Variants in SPOCK3 observed in about 807,000 individuals in gnomAD.
The protein encoded by SPOCK3 is SPARC (osteonectin), cwcv and kazal like domains proteoglycan 3, also known as testican-3.
A neutral mutation model predicts 56.6 loss-of-function variants in SPOCK3; 30 were observed. The observed-to-expected ratio is 0.53, with a 90% CI of 0.40 to 0.72. The LOEUF (loss-of-function observed/expected upper bound fraction) is 0.72. Ranked by LOEUF, SPOCK3 falls within the 30% of genes least tolerant of loss-of-function variation. The pLI, the probability that SPOCK3 is intolerant of heterozygous loss-of-function variation, is 0.00. For synonymous variants in SPOCK3, 196 were observed against 183.3 expected (o/e 1.07, Z -0.56); for missense variants, 527 against 530.0 (o/e 0.99, Z 0.06).
intron 6 of SPOCK3, among the ~76,000 whole-genome samples, chr4:166,811,663 T>C (rs1380274717): frequency 6.6e-6 from 1 of 151,832 alleles, no homozygotes; most frequent in Non-Finnish European, 1.5e-5. Context: ...CTAAATTTAG[T>C]AATATGGAGT....
At chr4:167,230,979 G>A (rs1478052513) in intron 2 of SPOCK3, among the ~76,000 whole-genome samples, 7 of 152,018 alleles carry the variant, frequency 4.6e-5, no homozygotes, top group Non-Finnish European at 1.5e-5. Flanking sequence ...GCTTGTCTTT[G>A]CTTTCATTGC....
intron 5 of SPOCK3, among the ~76,000 whole-genome samples, chr4:166,896,026 G>A (rs898242463): frequency 9.9e-5 from 15 of 152,146 alleles, no homozygotes; most frequent in Admixed American, 1.3e-4. Context: ...TTGGGAAGAA[G>A]TCCTGGCAAT....
intron 2 of SPOCK3, among the ~76,000 whole-genome samples, chr4:167,149,116 C>T (rs923891502): frequency 2.0e-5 from 3 of 152,082 alleles, no homozygotes; most frequent in Non-Finnish European, 4.4e-5. Flanking sequence ...CATGTGACCA[C>T]AAGAGCAATA....
intron 4 of SPOCK3, among the ~76,000 whole-genome samples, chr4:166,943,134 A>G (rs1363321303): frequency 6.6e-6 from 1 of 152,234 alleles, no homozygotes; most frequent in Admixed American, 6.5e-5. Flanking sequence ...CACACCAATT[A>G]AAAAACATTT....
intron 6 of SPOCK3, among the ~76,000 whole-genome samples, chr4:166,875,337 T>C (rs564852111): frequency 6.6e-6 from 1 of 152,258 alleles, no homozygotes; most frequent in East Asian, 1.9e-4. Flanking sequence ...TTAATTTTAA[T>C]GGTGAAATAC....
rs149005856 is a variant in SPOCK3, at chr4:166,887,658, G to T, written c.589+1472C>A. Among the ~76,000 whole-genome samples the T allele has an allele frequency of 8.0e-4, 121 of 152,094 alleles. 2 individuals are homozygous for T. The East Asian group carries it at 0.014, about 17-fold the overall frequency. On this transcript the variant is annotated intron_variant, in intron 6 of 10. Coordinates refer to ENST00000357545, the MANE Select transcript of SPOCK3 (RefSeq NM_001040159.2). Reference sequence around the variant, plus strand: ...GTGGATTGGAGGAGATGAGGGCTGAGGACTACAGAAGGAACCACACTGGGT... The same window carrying T: ...GTGGATTGGAGGAGATGAGGGCTGATGACTACAGAAGGAACCACACTGGGT...
chr4:167,104,913 C>T (rs980452674), intron 2 of SPOCK3, among the ~76,000 whole-genome samples: 4 of 150,370 alleles, frequency 2.7e-5, no homozygotes, highest in Non-Finnish European at 5.9e-5. Flanking sequence ...GGAAACCCTA[C>T]AAACCAGGAG....
intron 2 of SPOCK3, among the ~76,000 whole-genome samples, chr4:167,094,584 G>GA (rs1758984331): frequency 6.6e-6 from 1 of 151,994 alleles, no homozygotes; most frequent in Admixed American, 6.6e-5. Context: ...TTCATAATGT[G>GA]AATTTGCTCA....
chr4:167,209,207 G>T (rs1032877696), intron 2 of SPOCK3, among the ~76,000 whole-genome samples: 1 of 151,942 alleles, frequency 6.6e-6, no homozygotes, highest in Admixed American at 6.6e-5. Flanking sequence ...GCCATGATAT[G>T]GAATGTTCCA....
rs181094730 is a variant in SPOCK3 at position 167,071,749 on chromosome 4, C to T, written c.190-9212G>A. On this transcript the variant is annotated intron_variant, in intron 2 of 10. Transcript: ENST00000357545. ...TTGGATATATACCCAGTAATGGGATCGCTGGGTCAAATGGTATTTCTAGTT... is the reference window on the plus strand; with the variant it reads ...TTGGATATATACCCAGTAATGGGATTGCTGGGTCAAATGGTATTTCTAGTT... 5.3e-4 allele frequency among the ~76,000 whole-genome samples: 80 copies of T among 151,968 alleles called. 1 individual carries two copies. In the South Asian group the frequency reaches 0.015, roughly 28 times the overall value.
At chr4:167,131,856 A>G (rs1447509722) in intron 2 of SPOCK3, among the ~76,000 whole-genome samples, 1 of 152,222 alleles carries the variant, frequency 6.6e-6, no homozygotes, top group East Asian at 1.9e-4. Context: ...CCCATGAAGT[A>G]TAAGTACTAT....
At chr4:166,931,018 T>C (rs990124175) in intron 4 of SPOCK3, among the ~76,000 whole-genome samples, 9 of 152,148 alleles carry the variant, frequency 5.9e-5, no homozygotes, top group African/African-American at 2.2e-4. Flanking sequence ...AGTTTCACTC[T>C]GTCGCCAAGC....
chr4:167,004,308 C>G (rs951510735), intron 3 of SPOCK3, among the ~76,000 whole-genome samples: 1 of 152,030 alleles, frequency 6.6e-6, no homozygotes, highest in Non-Finnish European at 1.5e-5. Context: ...CAAAATGAAG[C>G]TCCAGTATAA....
intron 6 of SPOCK3, among the ~76,000 whole-genome samples, chr4:166,840,426 C>T (rs1747115784): frequency 6.6e-6 from 1 of 152,130 alleles, no homozygotes; most frequent in Non-Finnish European, 1.5e-5. Flanking sequence ...TTCTCTCTTC[C>T]TAGCTTTACC....
At chr4:166,929,135 C>G (rs1579682867) in intron 4 of SPOCK3, among the ~76,000 whole-genome samples, 2 of 151,736 alleles carry the variant, frequency 1.3e-5, no homozygotes, top group African/African-American at 4.8e-5. Context: ...TCTTTGTACC[C>G]TCTGTTCAGT....
At chr4:166,906,851 A>G (rs1736677056) in intron 5 of SPOCK3, among the ~76,000 whole-genome samples, 2 of 152,032 alleles carry the variant, frequency 1.3e-5, no homozygotes, top group Non-Finnish European at 2.9e-5. Flanking sequence ...AATTTGCTTC[A>G]ATTTTACATT....
intron 6 of SPOCK3, among the ~76,000 whole-genome samples, chr4:166,802,760 A>G (rs1742750363): frequency 6.6e-6 from 1 of 152,144 alleles, no homozygotes; most frequent in African/African-American, 2.4e-5. Flanking sequence ...CTAAAGCAGG[A>G]TATATATGTA....
At chr4:167,013,181 A>G (rs1750259373) in intron 3 of SPOCK3, among the ~76,000 whole-genome samples, 1 of 152,072 alleles carries the variant, frequency 6.6e-6, no homozygotes, top group Non-Finnish European at 1.5e-5. Flanking sequence ...ATAAATACCA[A>G]AATACCATAA....
At chr4:167,101,219 G>A in intron 2 of SPOCK3, among the ~76,000 whole-genome samples, 1 of 152,120 alleles carries the variant, frequency 6.6e-6, no homozygotes, top group Non-Finnish European at 1.5e-5. Context: ...CACAGGGCCT[G>A]CTAGTCATTT....
Sources: gnomAD v4.1 joint callset for allele counts (sites outside exome capture counted in the v4.1 genomes callset) on GRCh38, gnomAD v4.1.1 for gene constraint, MANE v1.5 for transcripts, NCBI Gene and HGNC (gene_info 2026-07-23, HGNC 2026-07-21) for gene names.